ZNF43: variants seen among roughly 807,000 people sequenced by gnomAD.
ZNF43 encodes the protein zinc finger protein 39-like 1 (KOX 27).
In ZNF43, 44 loss-of-function variants were observed where a neutral mutation model predicts 68.4. The ratio of observed to expected loss-of-function variants is 0.64; its 90% CI spans 0.51 to 0.83. ZNF43 has a LOEUF of 0.83. Ranked by LOEUF, ZNF43 falls within the 40% of genes least tolerant of loss-of-function variation. The pLI is 0.00. For synonymous variants in ZNF43, 308 were observed against 307.8 expected, an observed-to-expected ratio of 1.00 and a Z score of -0.01; for missense variants, 896 against 933.2, an observed-to-expected ratio of 0.96 and a Z score of 0.52.
At chr19:21,835,416 G>A (rs2038667920) in intron 1 of ZNF43, among the ~76,000 whole-genome samples, 1 of 138,268 alleles carries the variant, frequency 7.2e-6, no homozygotes, top group African/African-American at 2.7e-5. Context: ...GGAGTGCAAT[G>A]GCGCGATCTC....
chr19:21,829,032 C>CAA (rs551226809), intron 1 of ZNF43, among the ~76,000 whole-genome samples: 1,945 of 38,804 alleles, frequency 0.05, 257 homozygotes, highest in Middle Eastern at 0.14. Context: ...GACTCTGTCT[C>CAA]AAAAAAAAAA....
intron 1 of ZNF43, among the ~76,000 whole-genome samples, chr19:21,830,193 G>T (rs1298607612): frequency 6.6e-6 from 1 of 151,832 alleles, no homozygotes; most frequent in Non-Finnish European, 1.5e-5. Flanking sequence ...GGAGGTTGCA[G>T]TGAGGCGGAG....
chr19:21,835,960 T>C (rs947567190), intron 1 of ZNF43, 76 bp downstream of exon 1: 9 of 1,608,492 alleles, frequency 5.6e-6, no homozygotes, highest in Non-Finnish European at 7.7e-6. Flanking sequence ...GCGCAGATTG[T>C]GGAGCTGACT....
At chr19:21,846,993 T>C (rs910247089) in intron 1 of ZNF43, among the ~76,000 whole-genome samples, 5 of 152,142 alleles carry the variant, frequency 3.3e-5, no homozygotes, top group Non-Finnish European at 5.9e-5. Flanking sequence ...TCCCATCAGG[T>C]AGGTGCTGGG....
intron 3 of ZNF43, among the ~76,000 whole-genome samples, chr19:21,813,867 ATCCC>A (rs2037395908): frequency 6.6e-6 from 1 of 151,982 alleles, no homozygotes; most frequent in Non-Finnish European, 1.5e-5. Flanking sequence ...AGCTCATGTA[ATCCC>A]TCCCCCTCAA....
Position 21,817,760 on chromosome 19 carries a change from A to C in ZNF43, c.229+128T>G, listed in dbSNP as rs1255014159. 8 of 978,942 alleles carry C rather than the reference A, an allele frequency of 8.2e-6. No homozygotes were observed. In the Admixed American group the frequency reaches 1.6e-4, roughly 20 times the overall value. The allele number at this position is 978,942 out of a possible 1,614,324, so 60.6% of individuals were successfully genotyped here. The stretch of plus-strand genomic sequence containing the variant: ...CCTTGTGTGAAAGCAAAATGAAAAA[A>C]CTCAGGCTTTCCAGAAACTCTTTCC... On this transcript the variant is annotated intron_variant, in intron 3 of 3. Coordinates refer to ENST00000354959, the MANE Select transcript of ZNF43 (RefSeq NM_003423.4).
At chr19:21,814,611 G>A (rs937153209) in intron 3 of ZNF43, among the ~76,000 whole-genome samples, 3 of 151,848 alleles carry the variant, frequency 2.0e-5, no homozygotes, top group Non-Finnish European at 4.4e-5. Flanking sequence ...GGGTTTCACC[G>A]TGTTAGCCAG....
At chr19:21,843,424 G>A in intron 1 of ZNF43, 2 of 978,402 alleles carry the variant, frequency 2.0e-6, no homozygotes, top group South Asian at 4.7e-5. Flanking sequence ...AAGTACACAA[G>A]TCACCATCTC....
intron 1 of ZNF43, among the ~76,000 whole-genome samples, chr19:21,820,179 A>G (rs2037728433): frequency 1.5e-5 from 2 of 132,576 alleles, no homozygotes; most frequent in African/African-American, 3.0e-5. Context: ...AGCCTGGGTC[A>G]AAGAGCAAGA....
upstream of ZNF43, among the ~76,000 whole-genome samples, chr19:21,838,647 G>A (rs1413670291): frequency 2.6e-5 from 4 of 152,086 alleles, no homozygotes; most frequent in Non-Finnish European, 2.9e-5. Context: ...TGATTCGCCC[G>A]CCTTGGCCTC....
intron 1 of ZNF43, among the ~76,000 whole-genome samples, chr19:21,850,365 G>A (rs1448681664): frequency 6.6e-6 from 1 of 151,624 alleles, no homozygotes; most frequent in Non-Finnish European, 1.5e-5. Context: ...GTTCAGACCA[G>A]CCTGGCCAAC....
In ZNF43 at chr19:21,817,152, G is replaced by A. The variant is rs372359889; in HGVS notation, c.229+736C>T. ...ATCTACTCGGGAGGCTGAGAGAGAAGGCAGAGGTTGCAGTGAGCCGAGATT... is the reference window on the plus strand; with the variant it reads ...ATCTACTCGGGAGGCTGAGAGAGAAAGCAGAGGTTGCAGTGAGCCGAGATT... On this transcript the variant is annotated intron_variant, in intron 3 of 3. Coordinates refer to ENST00000354959, the MANE Select transcript of ZNF43 (RefSeq NM_003423.4). Among the ~76,000 whole-genome samples the A allele has an allele frequency of 7.2e-5, 11 of 152,062 alleles. No individual in the cohort carries two copies. The East Asian group carries it at 2.1e-3, about 29-fold the overall frequency.
At chr19:21,829,228 G>GA (rs1193491360) in intron 1 of ZNF43, among the ~76,000 whole-genome samples, 18 of 143,908 alleles carry the variant, frequency 1.3e-4, no homozygotes, top group East Asian at 2.0e-4. Flanking sequence ...CATCACAAAG[G>GA]AAAAAAAAAC....
At chr19:21,825,314 T>C (rs1460016075) in intron 1 of ZNF43, among the ~76,000 whole-genome samples, 2 of 152,152 alleles carry the variant, frequency 1.3e-5, no homozygotes, top group African/African-American at 4.8e-5. Context: ...TGATTATTGA[T>C]TGGATATACA....
At chr19:21,840,334 G>T (rs141468881), upstream of ZNF43, 1 of 152,816 alleles carries the variant, frequency 6.5e-6, no homozygotes, top group African/African-American at 2.4e-5. Context: ...CTGGGCAAAG[G>T]TGTATGTTAC....
At position 21,808,423 on chromosome 19, in the gene ZNF43, G is replaced by A. The variant is rs2037078276; in HGVS notation, c.1614C>T (p.Tyr538=). Residue 538 remains tyrosine, a synonymous_variant, in exon 4 of 4, where the codon TAC becomes TAT. Transcript: ENST00000354959. Reference sequence around the variant, plus strand: ...AAGCTTTGCCACATTCTTCACATTTGTAGGGTTTCTCTCCAGTATGAGTTA... The same window carrying A: ...AAGCTTTGCCACATTCTTCACATTTATAGGGTTTCTCTCCAGTATGAGTTA... ...HKITHTGEKP[Y]KCEECGKAFN... 1 of 1,612,984 alleles carries A rather than the reference G, an allele frequency of 6.2e-7. No homozygotes were observed. Among genetic ancestry groups the A allele is most frequent in the South Asian group, 1.1e-5 (1 of 91,068 alleles).
rs776413346 is a variant in ZNF43 at position 21,807,598 on chromosome 19, C to T, written c.*9G>A. On this transcript the variant is annotated 3_prime_UTR_variant, in exon 4 of 4. Transcript: ENST00000354959. ...TCTTTACATTTCTAGAATTTCTCAC[C>T]AGTATAATTTATTTTATGTTTGAAA... The T allele has an allele frequency of 3.9e-6, 6 of 1,520,306 alleles. No individual in the cohort carries two copies. The highest frequency in any genetic ancestry group is 1.4e-5 in the African/African-American group (1 of 71,708). The allele number at this position is 1,520,306 out of a possible 1,614,324, so 94.2% of individuals were successfully genotyped here. A position where few individuals can be genotyped will look rare whatever the true frequency, so the allele number is the denominator to read the frequency against.
chr19:21,809,267 A>C lies in ZNF43; in HGVS notation c.770T>G (p.Leu257Arg). 6.2e-7 allele frequency: 1 copy of C among 1,613,246 alleles called. No individual in the cohort carries two copies. ...TTTGCCACATTCTTCACATTTGTAGAGTTTGTATCTAGTATAATTTTTTTT... is the reference window on the plus strand; with the variant it reads ...TTTGCCACATTCTTCACATTTGTAGCGTTTGTATCTAGTATAATTTTTTTT... ...THKKNYTRYK[L>R]YKCEECGKAF... Residue 257 changes from leucine (L) to arginine (R), a missense_variant, in exon 4 of 4, where the codon CTC (leucine) becomes CGC (arginine). By Grantham distance (102) the Leu-to-Arg change is moderately radical. Coordinates refer to ENST00000354959, the MANE Select transcript of ZNF43 (RefSeq NM_003423.4).
chr19:21,824,732 T>TAA (rs34739856), intron 1 of ZNF43, among the ~76,000 whole-genome samples: 3,979 of 107,072 alleles, frequency 0.037, 163 homozygotes, highest in African/African-American at 0.12. Flanking sequence ...TATGTTTACC[T>TAA]AAAAAAAAAA....
Sources: allele counts gnomAD v4.1 joint callset (sites outside exome capture counted in the v4.1 genomes callset), GRCh38; gene constraint gnomAD v4.1.1; transcripts MANE v1.5; gene names NCBI Gene and HGNC (gene_info 2026-07-23, HGNC 2026-07-21).